Variants in PIGG observed in about 807,000 individuals in gnomAD.
The protein encoded by PIGG is GPI ethanolamine phosphate transferase 2, catalytic subunit.
Under a neutral mutation model 83.2 loss-of-function variants are expected in PIGG, and 70 were observed. The ratio of observed to expected loss-of-function variants is 0.84; its 90% confidence interval spans 0.69 to 1.03. The LOEUF (loss-of-function observed/expected upper bound fraction) is 1.03. Ranked by LOEUF, PIGG falls within the 50% of genes least tolerant of loss-of-function variation. The pLI is 0.00. For missense variants in PIGG, 1,257 were observed against 1,233.6 expected (o/e 1.02, Z -0.28); for synonymous variants, 532 against 519.5 (o/e 1.02, Z -0.33).
chr4:539,050 C>A, intron 12 of PIGG, 103 bp from the exon 13 acceptor site: 1 of 738,088 alleles, frequency 1.4e-6, no homozygotes. Flanking sequence ...GCCCTCTACT[C>A]CAAGGGCAAG....
At chr4:519,126 A>G (rs1249433797) in intron 6 of PIGG, among the ~76,000 whole-genome samples, 1 of 152,058 alleles carries the variant, frequency 6.6e-6, no homozygotes, top group African/African-American at 2.4e-5. Flanking sequence ...ATTACCAAAA[A>G]TCCCTCATTG....
intron 2 of PIGG, among the ~76,000 whole-genome samples, chr4:501,362 A>C (rs1409206432): frequency 6.6e-6 from 1 of 152,248 alleles, no homozygotes; most frequent in Non-Finnish European, 1.5e-5. Context: ...GATGAGAAAG[A>C]ACAGGATGTG....
chr4:530,113 C>T (rs534768384), intron 10 of PIGG, among the ~76,000 whole-genome samples: 8 of 152,226 alleles, frequency 5.3e-5, no homozygotes, highest in East Asian at 1.9e-4. Flanking sequence ...GCAAAGCAGG[C>T]GGGCCACGAG....
chr4:525,897 G>A (rs997546774), intron 9 of PIGG: 1 of 152,378 alleles, frequency 6.6e-6, no homozygotes, highest in African/African-American at 2.4e-5. Context: ...CCAGCATCGG[G>A]GTGGGATCCC....
intron 5 of PIGG, among the ~76,000 whole-genome samples, chr4:509,684 C>G (rs1324064591): frequency 6.6e-6 from 1 of 152,240 alleles, no homozygotes; most frequent in African/African-American, 2.4e-5. Context: ...TCACATCTTT[C>G]TGGTTTTCCT....
intron 5 of PIGG, among the ~76,000 whole-genome samples, chr4:514,817 G>A (rs1034096289): frequency 2.2e-4 from 34 of 152,146 alleles, no homozygotes; most frequent in Non-Finnish European, 1.0e-4. Context: ...CAATAGACAC[G>A]CAACAGTCTC....
At position 505,735 on chromosome 4, in the gene PIGG, C is replaced by G. The variant is rs782805879; in HGVS notation, c.378C>G (p.Ser126Arg). The G allele has an allele frequency of 6.2e-7, 1 of 1,613,204 alleles. No homozygotes were observed. Among genetic ancestry groups the G allele is most frequent in the South Asian group, 1.1e-5 (1 of 91,030 alleles). The change falls in exon 3 of 13, where the codon AGC becomes AGG. Residue 126 changes from serine to arginine, a missense_variant. By Grantham distance (110) the Ser-to-Arg change is moderately radical. Transcript: ENST00000453061. ...GACTGCAGGCATTGATGACGGGGAGCCTTCCTGGCTTTGTCGACGTCATCA... is the reference window on the plus strand; with the variant it reads ...GACTGCAGGCATTGATGACGGGGAGGCTTCCTGGCTTTGTCGACGTCATCA... ...MPRIKALMTG[S>R]LPGFVDVIRN...
At chr4:499,581 G>A (rs1237928787) in intron 1 of PIGG, 92 bp downstream of exon 1, 2 of 1,452,110 alleles carry the variant, frequency 1.4e-6, no homozygotes, top group Non-Finnish European at 1.8e-6. Flanking sequence ...TTTCTTCTCG[G>A]CGCTCCCCGG....
At chr4:530,846 T>A in intron 11 of PIGG, 101 bp downstream of exon 11, 3 of 802,328 alleles carry the variant, frequency 3.7e-6, no homozygotes, top group Non-Finnish European at 6.1e-6. Context: ...AAAGTGACTG[T>A]CAGTGTGGCA....
intron 5 of PIGG, among the ~76,000 whole-genome samples, chr4:512,230 T>C (rs1190537806): frequency 1.4e-5 from 2 of 146,922 alleles, no homozygotes; most frequent in African/African-American, 5.0e-5. Flanking sequence ...TTTTTTTTTT[T>C]TTTTTTTGAG....
At chr4:510,585 G>A (rs1234133167) in intron 5 of PIGG, among the ~76,000 whole-genome samples, 3 of 152,214 alleles carry the variant, frequency 2.0e-5, no homozygotes, top group African/African-American at 7.2e-5. Context: ...GACCTGAGCA[G>A]AGCTAGGAAT....
chr4:500,372 C>CTTTT, intron 1 of PIGG, 24 bp from the exon 2 acceptor site: 2 of 1,573,376 alleles, frequency 1.3e-6, no homozygotes, highest in Admixed American at 1.7e-5. Context: ...GTTCAATTTC[C>CTTTT]TTTTTTTTCT....
chr4:512,643 C>T (rs543646266), intron 5 of PIGG, among the ~76,000 whole-genome samples: 61 of 151,782 alleles, frequency 4.0e-4, no homozygotes, highest in Non-Finnish European at 6.3e-4. Flanking sequence ...GGTGAAACCC[C>T]GTCTCTACTA....
intron 4 of PIGG, among the ~76,000 whole-genome samples, chr4:507,820 C>T (rs1349865697): frequency 2.6e-5 from 4 of 152,216 alleles, no homozygotes; most frequent in Non-Finnish European, 5.9e-5. Flanking sequence ...CCCGTGTATG[C>T]ATTCATTCAA....
At chr4:530,129 C>T (rs547074348) in intron 10 of PIGG, among the ~76,000 whole-genome samples, 2 of 152,190 alleles carry the variant, frequency 1.3e-5, no homozygotes, top group Admixed American at 6.5e-5. Flanking sequence ...ACGAGGGCAC[C>T]GCTTGGGTCG....
In PIGG at chr4:538,084, C is replaced by T. The variant is rs75122061; in HGVS notation, c.2736-1069C>T. 1.2e-3 allele frequency among the ~76,000 whole-genome samples: 184 copies of T among 150,140 alleles called. 4 individuals carry two copies. In the East Asian group the frequency reaches 0.033, roughly 27 times the overall value. ...ACCCACACACACGTGCTGACAGGAC[C>T]GAGGGGCCCTTTACAGGACATGCAG... On this transcript the variant is annotated intron_variant, in intron 12 of 12. Coordinates refer to ENST00000453061, the MANE Select transcript of PIGG (RefSeq NM_001127178.3).
intron 5 of PIGG, among the ~76,000 whole-genome samples, chr4:509,262 T>G (rs797038899): frequency 4.3e-4 from 65 of 152,352 alleles, no homozygotes; most frequent in African/African-American, 1.5e-3. Flanking sequence ...CTGGACAGCA[T>G]GTGTGAACTG....
intron 12 of PIGG, among the ~76,000 whole-genome samples, chr4:534,693 G>A (rs1201070180): frequency 6.6e-6 from 1 of 152,206 alleles, no homozygotes; most frequent in Non-Finnish European, 1.5e-5. Flanking sequence ...TGGCAGCTTC[G>A]TGCAGAAGTT....
chr4:511,182 A>C (rs1392455465), intron 5 of PIGG, among the ~76,000 whole-genome samples: 1 of 151,732 alleles, frequency 6.6e-6, no homozygotes, highest in South Asian at 2.1e-4. Flanking sequence ...AACCCCAGCT[A>C]CTTGGGAGGC....
Sources: allele counts gnomAD v4.1 joint callset (sites outside exome capture counted in the v4.1 genomes callset), GRCh38; gene constraint gnomAD v4.1.1; transcripts MANE v1.5; gene names NCBI Gene and HGNC (gene_info 2026-07-23, HGNC 2026-07-21).